The following CMSS1 variants were observed in gnomAD, a reference collection of about 807,000 sequenced individuals.
The protein encoded by CMSS1 is protein CMSS1.
A neutral mutation model predicts 43.5 loss-of-function variants in CMSS1; 33 were observed. The observed-to-expected ratio is 0.76, with a 90% CI of 0.57 to 1.01. The LOEUF is 1.01. Among genes scored for constraint, CMSS1 ranks in the 50% least tolerant of loss-of-function variants. The pLI, the probability that CMSS1 is intolerant of heterozygous loss-of-function variation, is 0.00. For synonymous variants in CMSS1, 115 were observed against 117.2 expected (o/e 0.98, Z 0.12); for missense variants, 313 against 326.4 (o/e 0.96, Z 0.32).
intron 1 of CMSS1, among the ~76,000 whole-genome samples, chr3:99,994,849 C>T (rs145689534): frequency 3.9e-5 from 6 of 152,318 alleles, no homozygotes; most frequent in East Asian, 1.9e-4. Context: ...TTCACTACCA[C>T]GAGAACAGTA....
At chr3:99,823,420 AACC>A (rs1413647568) in intron 1 of CMSS1, among the ~76,000 whole-genome samples, 2 of 152,176 alleles carry the variant, frequency 1.3e-5, no homozygotes. Flanking sequence ...CCATAAATTA[AACC>A]ACCAACTACC....
chr3:99,950,751 T>A (rs1475065056), intron 1 of CMSS1, among the ~76,000 whole-genome samples: 2 of 152,220 alleles, frequency 1.3e-5, no homozygotes, highest in Non-Finnish European at 2.9e-5. Context: ...CTTTGTTATG[T>A]TTTCCTTTTG....
rs557180714 is a variant in CMSS1, at chr3:99,924,193, T to C, written c.64+106150T>C. 8 of 1,581,472 alleles carry C rather than the reference T, an allele frequency of 5.1e-6. No homozygotes were observed. In the South Asian group the frequency reaches 6.8e-5, roughly 13 times the overall value. On this transcript the variant is annotated intron_variant, in intron 1 of 9. Transcript: ENST00000421999. The stretch of plus-strand genomic sequence containing the variant: ...CTGGTACAGTGGCCAGCTCATAGAT[T>C]GCAGAATGGGACATTGTTTGCCCAA...
chr3:100,105,983 G>A (rs1050477361), intron 1 of CMSS1, among the ~76,000 whole-genome samples: 1 of 152,152 alleles, frequency 6.6e-6, no homozygotes, highest in Non-Finnish European at 1.5e-5. Flanking sequence ...CCATCAGATG[G>A]TGTGGACAGA....
intron 1 of CMSS1, among the ~76,000 whole-genome samples, chr3:99,843,440 G>A (rs943504253): frequency 6.6e-6 from 1 of 152,122 alleles, no homozygotes; most frequent in Non-Finnish European, 1.5e-5. Flanking sequence ...CCACTAGAGG[G>A]TAGAATAGCC....
At chr3:99,981,629 G>A (rs1280851416) in intron 1 of CMSS1, among the ~76,000 whole-genome samples, 2 of 152,154 alleles carry the variant, frequency 1.3e-5, no homozygotes, top group African/African-American at 2.4e-5. Context: ...CGTTTTGCAA[G>A]TGGAAAATTG....
chr3:100,003,362 G>T (rs1376436008), intron 1 of CMSS1, among the ~76,000 whole-genome samples: 1 of 152,126 alleles, frequency 6.6e-6, no homozygotes, highest in African/African-American at 2.4e-5. Flanking sequence ...CACTGTCAGG[G>T]TTTTCTTCCC....
intron 1 of CMSS1, among the ~76,000 whole-genome samples, chr3:100,029,464 C>T (rs1368203930): frequency 4.6e-5 from 7 of 152,016 alleles, no homozygotes; most frequent in Admixed American, 2.0e-4. Flanking sequence ...GCAACCTTTG[C>T]CAAGTTACTA....
intron 1 of CMSS1, among the ~76,000 whole-genome samples, chr3:100,101,004 G>A (rs1045023047): frequency 6.6e-6 from 1 of 152,136 alleles, no homozygotes; most frequent in East Asian, 1.9e-4. Context: ...GATGACAGTG[G>A]CATCTCACTT....
At chr3:99,992,625 C>T (rs1198345966) in intron 1 of CMSS1, among the ~76,000 whole-genome samples, 1 of 151,240 alleles carries the variant, frequency 6.6e-6, no homozygotes, top group African/African-American at 2.4e-5. Context: ...GTCTTTTTGC[C>T]CTGTTGATTA....
chr3:99,968,437 A>T (rs1708719887), intron 1 of CMSS1, among the ~76,000 whole-genome samples: 1 of 152,100 alleles, frequency 6.6e-6, no homozygotes, highest in African/African-American at 2.4e-5. Flanking sequence ...GGGAAAAAAA[A>T]AAAAAAGACT....
intron 1 of CMSS1, among the ~76,000 whole-genome samples, chr3:99,842,954 A>G (rs1184789441): frequency 6.6e-6 from 1 of 152,226 alleles, no homozygotes; most frequent in Admixed American, 6.5e-5. Flanking sequence ...CTGCTCTGAT[A>G]TATTGACTGC....
At chr3:99,827,598 G>A (rs976214454) in intron 1 of CMSS1, among the ~76,000 whole-genome samples, 3 of 152,096 alleles carry the variant, frequency 2.0e-5, no homozygotes, top group East Asian at 1.9e-4. Flanking sequence ...ATTTTTCTAC[G>A]CAAATTTTTT....
chr3:99,988,443 C>T (rs574345998), intron 1 of CMSS1, among the ~76,000 whole-genome samples: 228 of 133,980 alleles, frequency 1.7e-3, no homozygotes, highest in Non-Finnish European at 2.7e-3. Flanking sequence ...ATGTGGGAGG[C>T]GGAGGTTGCA....
At chr3:99,956,447 G>A (rs1410482486) in intron 1 of CMSS1, among the ~76,000 whole-genome samples, 1 of 152,174 alleles carries the variant, frequency 6.6e-6, no homozygotes, top group African/African-American at 2.4e-5. Context: ...ACGCCTCCTA[G>A]GTTCAAGTGA....
In CMSS1 at chr3:100,053,562, G is replaced by A. The variant is rs139987817; in HGVS notation, c.65-93411G>A. ...TTTGACCTCATCTTAACTTGATTAC[G>A]TCAGCAAACACCCTATTTCCAAATA... On this transcript the variant is annotated intron_variant, in intron 1 of 9. Transcript: ENST00000421999. 3.5e-3 allele frequency among the ~76,000 whole-genome samples: 527 copies of A among 152,226 alleles called. 1 individual carries two copies. Among genetic ancestry groups the A allele is most frequent in the Non-Finnish European group, 5.6e-3 (384 of 67,998 alleles).
chr3:100,174,194 A>G (rs2067131104), intron 8 of CMSS1, among the ~76,000 whole-genome samples: 1 of 152,132 alleles, frequency 6.6e-6, no homozygotes, highest in Non-Finnish European at 1.5e-5. Context: ...AACAGATGAG[A>G]GGCACCAAGG....
At chr3:100,007,212 C>A (rs1037635667) in intron 1 of CMSS1, among the ~76,000 whole-genome samples, 1 of 152,098 alleles carries the variant, frequency 6.6e-6, no homozygotes, top group South Asian at 2.1e-4. Flanking sequence ...TTTCTATTTT[C>A]TCTTCATGAC....
chr3:99,826,066 G>A (rs779746875), intron 1 of CMSS1, among the ~76,000 whole-genome samples: 10 of 152,004 alleles, frequency 6.6e-5, no homozygotes, highest in Non-Finnish European at 1.2e-4. Context: ...TGTGAGCCAC[G>A]GAGCCCGGCC....
Sources: gnomAD v4.1 joint callset for allele counts (sites outside exome capture counted in the v4.1 genomes callset) on GRCh38, gnomAD v4.1.1 for gene constraint, MANE v1.5 for transcripts, NCBI Gene and HGNC (gene_info 2026-07-23, HGNC 2026-07-21) for gene names.